HOMER1: variants seen among roughly 807,000 people sequenced by gnomAD.
HOMER1 encodes homer scaffold protein 1.
In HOMER1, 3 loss-of-function variants were observed where a neutral mutation model predicts 48.9. The observed-to-expected ratio is 0.06, with a 90% confidence interval of 0.03 to 0.16. The LOEUF (loss-of-function observed/expected upper bound fraction) is 0.16, where lower values mean the gene tolerates loss of function less well. Ranked by LOEUF, HOMER1 falls within the 10% of genes least tolerant of loss-of-function variation. HOMER1 has a pLI of 1.00. For synonymous variants in HOMER1, 134 were observed against 146.4 expected, an observed-to-expected ratio of 0.92 and a Z score of 0.61; for missense variants, 247 against 411.4, an observed-to-expected ratio of 0.60 and a Z score of 3.46.
chr5:79,445,968 G>A (rs752854955), intron 4 of HOMER1, among the ~76,000 whole-genome samples: 1 of 152,202 alleles, frequency 6.6e-6, no homozygotes, highest in East Asian at 1.9e-4. Context: ...TTGTTTGTGC[G>A]TGTGTGCACG....
chr5:79,504,592 G>A (rs1752696613), intron 1 of HOMER1, among the ~76,000 whole-genome samples: 1 of 152,104 alleles, frequency 6.6e-6, no homozygotes, highest in Admixed American at 6.5e-5. Context: ...ATGTCCTAAA[G>A]ATCATTACTA....
rs140111854 is a variant in HOMER1 at position 79,447,417 on chromosome 5, A to G, written c.295-272T>C. On this transcript the variant is annotated intron_variant, in intron 3 of 8. Transcript: ENST00000334082. Reference sequence around the variant, plus strand: ...CAGAGTCAGCTAGCTTACCTAAAGGACTCCTGGTTGTTCAGAAATAATTTA... The same window carrying G: ...CAGAGTCAGCTAGCTTACCTAAAGGGCTCCTGGTTGTTCAGAAATAATTTA... Among the ~76,000 whole-genome samples, 445 of 152,194 alleles carry G rather than the reference A, an allele frequency of 2.9e-3. 3 individuals carry two copies. The highest frequency in any genetic ancestry group is 0.01 in the African/African-American group (427 of 41,520).
At chr5:79,493,107 C>T (rs951064704) in intron 1 of HOMER1, among the ~76,000 whole-genome samples, 13 of 151,910 alleles carry the variant, frequency 8.6e-5, no homozygotes, top group South Asian at 2.1e-4. Context: ...TTAGTAGAGA[C>T]GGAGTTTCGC....
At chr5:79,414,699 C>T (rs1238629464) in intron 5 of HOMER1, among the ~76,000 whole-genome samples, 1 of 152,028 alleles carries the variant, frequency 6.6e-6, no homozygotes, top group East Asian at 1.9e-4. Context: ...CTTTATACTC[C>T]TGCTGGCACC....
intron 5 of HOMER1, among the ~76,000 whole-genome samples, chr5:79,422,559 C>A (rs886556897): frequency 2.0e-5 from 3 of 151,294 alleles, no homozygotes; most frequent in Non-Finnish European, 4.4e-5. Context: ...TTGGATTTTT[C>A]TTCCTGAAAA....
chr5:79,446,487 A>C (rs867968200), intron 4 of HOMER1, among the ~76,000 whole-genome samples: 6 of 152,194 alleles, frequency 3.9e-5, no homozygotes, highest in Non-Finnish European at 8.8e-5. Context: ...TGACTATCAC[A>C]TGATCTTTAT....
intron 1 of HOMER1, among the ~76,000 whole-genome samples, chr5:79,465,412 G>A (rs1751429488): frequency 6.6e-6 from 1 of 151,854 alleles, no homozygotes; most frequent in Non-Finnish European, 1.5e-5. Flanking sequence ...GAAATTAAAG[G>A]TTTTAAAAAA....
chr5:79,428,084 T>C (rs1750320532), intron 5 of HOMER1, among the ~76,000 whole-genome samples: 1 of 152,208 alleles, frequency 6.6e-6, no homozygotes, highest in Non-Finnish European at 1.5e-5. Flanking sequence ...GAATTCTTCC[T>C]CTTTAGTCCA....
chr5:79,471,321 G>A lies in HOMER1; in HGVS notation c.6-14303C>T, dbSNP rs139195418. ...AGCACTTTGGGAGGCCGAGGCAGGCGGATCACCTGAGGTCAGGAGTTCAAG... is the reference window on the plus strand; with the variant it reads ...AGCACTTTGGGAGGCCGAGGCAGGCAGATCACCTGAGGTCAGGAGTTCAAG... On this transcript the variant is annotated intron_variant, in intron 1 of 8. Coordinates refer to ENST00000334082, the MANE Select transcript of HOMER1 (RefSeq NM_004272.5). 6.4e-3 allele frequency among the ~76,000 whole-genome samples: 970 copies of A among 152,006 alleles called. 15 individuals carry two copies. Among genetic ancestry groups the A allele is most frequent in the African/African-American group, 0.022 (917 of 41,478 alleles).
intron 1 of HOMER1, among the ~76,000 whole-genome samples, chr5:79,497,264 C>G (rs1308704462): frequency 1.3e-5 from 2 of 151,868 alleles, no homozygotes; most frequent in Non-Finnish European, 2.9e-5. Flanking sequence ...GAACTCTGAC[C>G]AAGAAATGGG....
chr5:79,437,135 T>C (rs1750603891), intron 5 of HOMER1, among the ~76,000 whole-genome samples: 1 of 152,146 alleles, frequency 6.6e-6, no homozygotes, highest in South Asian at 2.1e-4. Context: ...ATACTAAGGA[T>C]TAACAAAATC....
chr5:79,381,333 G>C (rs1045612309), intron 8 of HOMER1, among the ~76,000 whole-genome samples: 1 of 152,220 alleles, frequency 6.6e-6, no homozygotes, highest in Admixed American at 6.5e-5. Flanking sequence ...CAATAGCGTA[G>C]ATACATCTAC....
At chr5:79,397,375 G>A in intron 7 of HOMER1, 152 bp downstream of exon 7, 2 of 600,118 alleles carry the variant, frequency 3.3e-6, no homozygotes, top group African/African-American at 3.9e-5. Context: ...GAAAATATGA[G>A]CAAGCTTAAT....
intron 6 of HOMER1, among the ~76,000 whole-genome samples, chr5:79,400,082 T>TA (rs1749492225): frequency 1.1e-4 from 1 of 9,442 alleles, no homozygotes; most frequent in African/African-American, 1.2e-4. Flanking sequence ...ACAATTGTCA[T>TA]AAATTTTTTT....
chr5:79,437,439 A>G (rs1288259776), intron 5 of HOMER1, among the ~76,000 whole-genome samples: 1 of 152,152 alleles, frequency 6.6e-6, no homozygotes, highest in East Asian at 1.9e-4. Flanking sequence ...GCATATTTTA[A>G]AAGACTATGT....
chr5:79,508,203 T>C (rs1022661281), intron 1 of HOMER1, among the ~76,000 whole-genome samples: 16 of 152,240 alleles, frequency 1.1e-4, no homozygotes, highest in African/African-American at 3.6e-4. Flanking sequence ...AGAAGAGAAG[T>C]GCTTTTCAAA....
intron 1 of HOMER1, among the ~76,000 whole-genome samples, chr5:79,489,530 C>A (rs1456155008): frequency 6.6e-6 from 1 of 151,924 alleles, no homozygotes; most frequent in Non-Finnish European, 1.5e-5. Context: ...GTACTCCAGC[C>A]TGGGCGACAG....
At chr5:79,377,149 A>G (rs1310788747) in intron 8 of HOMER1, among the ~76,000 whole-genome samples, 1 of 152,158 alleles carries the variant, frequency 6.6e-6, no homozygotes, top group East Asian at 1.9e-4. Flanking sequence ...TATTTTTAGT[A>G]GAGACGGGGT....
At chr5:79,512,329 T>G (rs973680685) in intron 1 of HOMER1, among the ~76,000 whole-genome samples, 1 of 152,216 alleles carries the variant, frequency 6.6e-6, no homozygotes, top group African/African-American at 2.4e-5. Flanking sequence ...CAATTTACTC[T>G]GGATCACTTT....
Sources: allele counts gnomAD v4.1 joint callset (sites outside exome capture counted in the v4.1 genomes callset), GRCh38; gene constraint gnomAD v4.1.1; transcripts MANE v1.5; gene names NCBI Gene and HGNC (gene_info 2026-07-23, HGNC 2026-07-21).